KYNU: variants seen among roughly 807,000 people sequenced by gnomAD.
KYNU encodes the protein kynureninase, also known as L-kynurenine hydrolase.
KYNU carries 54 observed loss-of-function variants against 59.2 expected under a neutral mutation model. That is an observed-to-expected ratio of 0.91 (90% CI 0.73 to 1.14). The LOEUF is 1.14. KYNU is among the 50% of genes most tolerant of loss of function. KYNU has a pLI of 0.00. For missense variants in KYNU, 567 were observed against 554.4 expected (o/e 1.02, Z -0.23); for synonymous variants, 177 against 192.0 (o/e 0.92, Z 0.65).
At chr2:143,000,853 T>C (rs1286327934) in intron 10 of KYNU, among the ~76,000 whole-genome samples, 3 of 152,102 alleles carry the variant, frequency 2.0e-5, no homozygotes, top group Non-Finnish European at 4.4e-5. Context: ...TTGATTTAGG[T>C]GAGTATGACA....
chr2:143,011,037 G>A (rs1010302323), intron 10 of KYNU, among the ~76,000 whole-genome samples: 1 of 145,218 alleles, frequency 6.9e-6, no homozygotes, highest in African/African-American at 2.6e-5. Context: ...AAAAGCAATG[G>A]CAACCAAAGC....
intron 10 of KYNU, among the ~76,000 whole-genome samples, chr2:142,993,250 G>A (rs1208850041): frequency 1.3e-5 from 2 of 152,016 alleles, no homozygotes; most frequent in African/African-American, 4.8e-5. Flanking sequence ...AATATGCCAA[G>A]TGATCTTTTC....
At chr2:142,935,974 T>A (rs1683378109) in intron 4 of KYNU, among the ~76,000 whole-genome samples, 1 of 152,050 alleles carries the variant, frequency 6.6e-6, no homozygotes, top group Non-Finnish European at 1.5e-5. Flanking sequence ...TACAGCTGAC[T>A]GGGAAGGTGG....
chr2:142,986,534 C>T (rs1685205627), intron 10 of KYNU, among the ~76,000 whole-genome samples: 1 of 151,814 alleles, frequency 6.6e-6, no homozygotes, highest in African/African-American at 2.4e-5. Flanking sequence ...GAACACTGAA[C>T]AACAGACTGA....
At chr2:142,884,180 C>T (rs1681408581) in intron 1 of KYNU, among the ~76,000 whole-genome samples, 1 of 152,176 alleles carries the variant, frequency 6.6e-6, no homozygotes, top group African/African-American at 2.4e-5. Flanking sequence ...AGAAACATCA[C>T]ACAATCCTGT....
At chr2:142,963,623 C>T (rs1265140135) in intron 8 of KYNU, among the ~76,000 whole-genome samples, 1 of 152,194 alleles carries the variant, frequency 6.6e-6, no homozygotes, top group East Asian at 1.9e-4. Flanking sequence ...CTAATACTGT[C>T]ACATTGGGTA....
chr2:143,020,932 C>G (rs1419756564), intron 10 of KYNU, among the ~76,000 whole-genome samples: 1 of 152,206 alleles, frequency 6.6e-6, no homozygotes, highest in Non-Finnish European at 1.5e-5. Flanking sequence ...CCCTTACCCA[C>G]AGTCACACCA....
At chr2:142,986,303 C>T (rs1158542104) in intron 10 of KYNU, among the ~76,000 whole-genome samples, 1 of 151,802 alleles carries the variant, frequency 6.6e-6, no homozygotes, top group East Asian at 1.9e-4. Flanking sequence ...AAAGAGACCA[C>T]TTGAATATTT....
chr2:142,882,340 T>A (rs959778084), intron 1 of KYNU, among the ~76,000 whole-genome samples: 4 of 152,140 alleles, frequency 2.6e-5, no homozygotes, highest in Non-Finnish European at 5.9e-5. Context: ...CTTTTTTTTT[T>A]TAATTATACT....
At chr2:142,900,431 T>G (rs887091525) in intron 2 of KYNU, among the ~76,000 whole-genome samples, 2 of 152,184 alleles carry the variant, frequency 1.3e-5, no homozygotes, top group African/African-American at 4.8e-5. Context: ...AGGGTAGCCA[T>G]TGCCAGCTCA....
At chr2:143,016,221 G>GT (rs1293365526) in intron 10 of KYNU, among the ~76,000 whole-genome samples, 1 of 152,190 alleles carries the variant, frequency 6.6e-6, no homozygotes, top group East Asian at 1.9e-4. Flanking sequence ...TTTACAGTCA[G>GT]TGATTATTTC....
chr2:142,906,261 C>A (rs1165164906), intron 2 of KYNU, among the ~76,000 whole-genome samples: 1 of 152,182 alleles, frequency 6.6e-6, no homozygotes, highest in Non-Finnish European at 1.5e-5. Flanking sequence ...AGACCCAGTT[C>A]CAGAAGTTAA....
chr2:142,950,611 G>A (rs550789360), intron 4 of KYNU, among the ~76,000 whole-genome samples: 8 of 152,226 alleles, frequency 5.3e-5, no homozygotes, highest in South Asian at 2.1e-4. Context: ...ATTACGTCCC[G>A]CCAGGTCCCT....
chr2:142,947,329 T>G (rs985323345), intron 4 of KYNU: 47 of 1,125,430 alleles, frequency 4.2e-5, no homozygotes, highest in Admixed American at 1.0e-4. Context: ...TTCCATTTTT[T>G]CTATTGCAGA....
intron 2 of KYNU, among the ~76,000 whole-genome samples, chr2:142,886,850 T>G (rs1184817756): frequency 6.6e-6 from 1 of 152,160 alleles, no homozygotes; most frequent in Non-Finnish European, 1.5e-5. Context: ...ACAGGGCTCC[T>G]GTACTGAGTC....
chr2:143,031,888 G>T (rs945539006), intron 11 of KYNU, among the ~76,000 whole-genome samples: 8 of 152,082 alleles, frequency 5.3e-5, no homozygotes, highest in African/African-American at 1.9e-4. Context: ...GAAGTCTCAG[G>T]AAACTTACAA....
At chr2:143,024,939 T>C (rs1337965318) in intron 10 of KYNU, among the ~76,000 whole-genome samples, 1 of 152,082 alleles carries the variant, frequency 6.6e-6, no homozygotes, top group Non-Finnish European at 1.5e-5. Context: ...TAAATATATC[T>C]TTTTGTTTAT....
chr2:142,945,024 T>C (rs1040977127), intron 4 of KYNU, among the ~76,000 whole-genome samples: 4 of 152,238 alleles, frequency 2.6e-5, no homozygotes, highest in Non-Finnish European at 2.9e-5. Flanking sequence ...ATCTGAACCT[T>C]CAGTGAGCTG....
At chr2:142,984,647 G>A (rs1685147191) in intron 8 of KYNU, among the ~76,000 whole-genome samples, 2 of 151,916 alleles carry the variant, frequency 1.3e-5, no homozygotes, top group African/African-American at 2.4e-5. Context: ...TAAAAATATA[G>A]AATTAAGATA....
Sources: allele counts gnomAD v4.1 joint callset (sites outside exome capture counted in the v4.1 genomes callset), GRCh38; gene constraint gnomAD v4.1.1; transcripts MANE v1.5; gene names NCBI Gene and HGNC (gene_info 2026-07-23, HGNC 2026-07-21).